Variants in AUTS2 observed in about 807,000 individuals in gnomAD.
AUTS2 encodes the protein activator of transcription and developmental regulator AUTS2.
Under a neutral mutation model 112.4 loss-of-function variants are expected in AUTS2, and 17 were observed. The ratio of observed to expected loss-of-function variants is 0.15; its 90% CI spans 0.10 to 0.23. AUTS2 has a LOEUF of 0.23. Among genes scored for constraint, AUTS2 ranks in the 10% least tolerant of loss-of-function variants. The pLI is 1.00. For missense variants in AUTS2, 1,510 were observed against 1,701.6 expected (o/e 0.89, Z 1.98); for synonymous variants, 751 against 702.7 (o/e 1.07, Z -1.09).
chr7:69,895,356 G>A (rs897145206), intron 1 of AUTS2, among the ~76,000 whole-genome samples: 5 of 151,964 alleles, frequency 3.3e-5, no homozygotes, highest in Non-Finnish European at 7.4e-5. Flanking sequence ...GTTTATTCAG[G>A]ATTTGTACCA....
chr7:70,453,235 A>G (rs192188741), intron 5 of AUTS2, among the ~76,000 whole-genome samples: 9 of 152,316 alleles, frequency 5.9e-5, no homozygotes, highest in Admixed American at 5.9e-4. Context: ...CAATGAAACA[A>G]TGATGGGAAT....
At chr7:69,864,535 T>G (rs1394012929) in intron 1 of AUTS2, among the ~76,000 whole-genome samples, 1 of 152,226 alleles carries the variant, frequency 6.6e-6, no homozygotes, top group Non-Finnish European at 1.5e-5. Flanking sequence ...CCATGATGCT[T>G]GCAGAACAGT....
chr7:70,631,870 A>C lies in AUTS2; in HGVS notation c.691-66699A>C, dbSNP rs78453214. Among the ~76,000 whole-genome samples, 1,256 of 152,002 alleles carry C rather than the reference A, an allele frequency of 8.3e-3. 22 individuals carry two copies. Among genetic ancestry groups the C allele is most frequent in the African/African-American group, 0.029 (1,193 of 41,480 alleles). ...TCTGCCGCTTTGGCTTAGTTCTCCC[A>C]TGTCCCTTGATTCAGTGGTGTGACC... On this transcript the variant is annotated intron_variant, in intron 5 of 18. Coordinates refer to ENST00000342771, the MANE Select transcript of AUTS2 (RefSeq NM_015570.4). This position sits in a 1 kb window ranked among gnomAD's most constrained non-coding sequence, Gnocchi z 4.5.
At chr7:69,600,053 G>GCTGTCTGTCTGTCTGTCTGTCTGT in intron 1 of AUTS2, 91 bp downstream of exon 1, 1 of 1,259,510 alleles carries the variant, frequency 7.9e-7, no homozygotes, top group Non-Finnish European at 1.1e-6. Flanking sequence ...CGCGCTCCGG[G>GCTGTCTGTCTGTCTGTCTGTCTGT]CTGTCTGTCT....
intron 7 of AUTS2, among the ~76,000 whole-genome samples, chr7:70,763,568 T>C (rs1009152966): frequency 6.6e-6 from 1 of 151,668 alleles, no homozygotes; most frequent in Non-Finnish European, 1.5e-5. Context: ...AGAAGTAAAA[T>C]ATTTATGGGC....
intron 5 of AUTS2, among the ~76,000 whole-genome samples, chr7:70,510,092 C>T (rs889449996): frequency 1.3e-5 from 2 of 152,168 alleles, no homozygotes; most frequent in Non-Finnish European, 2.9e-5. Flanking sequence ...GAAGACCCCA[C>T]ATCCCCATCC....
chr7:70,348,430 A>C (rs753464239), intron 4 of AUTS2, among the ~76,000 whole-genome samples: 1 of 152,154 alleles, frequency 6.6e-6, no homozygotes, highest in Non-Finnish European at 1.5e-5. Context: ...CCTTGAGATA[A>C]ATTATAAGGT....
intron 14 of AUTS2, 60 bp downstream of exon 14, chr7:70,777,234 C>A: frequency 6.8e-7 from 1 of 1,463,610 alleles, no homozygotes; most frequent in Non-Finnish European, 9.6e-7. Flanking sequence ...GTGTGACGTG[C>A]TCGGGAGAAC....
At chr7:70,702,936 A>C (rs1212869336) in intron 6 of AUTS2, among the ~76,000 whole-genome samples, 1 of 152,174 alleles carries the variant, frequency 6.6e-6, no homozygotes, top group African/African-American at 2.4e-5. Context: ...AGGTTAGTGA[A>C]GCCTTTGGAT....
intron 2 of AUTS2, among the ~76,000 whole-genome samples, chr7:69,939,289 T>TA (rs1796534144): frequency 6.6e-6 from 1 of 152,192 alleles, no homozygotes; most frequent in African/African-American, 2.4e-5. Flanking sequence ...AATCTTTGCC[T>TA]TATAGAAATA....
At chr7:70,231,531 C>G (rs1019319949) in intron 4 of AUTS2, among the ~76,000 whole-genome samples, 2 of 152,068 alleles carry the variant, frequency 1.3e-5, no homozygotes, top group Admixed American at 1.3e-4. Context: ...CAAGCTCCAC[C>G]TCACAGGTTC....
At chr7:69,654,950 A>G (rs886588902) in intron 1 of AUTS2, among the ~76,000 whole-genome samples, 1 of 152,126 alleles carries the variant, frequency 6.6e-6, no homozygotes, top group Non-Finnish European at 1.5e-5. Context: ...CTTTGTAAAG[A>G]TTAGTTAATT....
At chr7:69,738,526 T>C (rs1356977394) in intron 1 of AUTS2, among the ~76,000 whole-genome samples, 1 of 152,168 alleles carries the variant, frequency 6.6e-6, no homozygotes, top group African/African-American at 2.4e-5. Flanking sequence ...GATATTTTTG[T>C]GCTCTCAGGG....
intron 4 of AUTS2, among the ~76,000 whole-genome samples, chr7:70,155,533 A>G: frequency 6.6e-6 from 1 of 151,822 alleles, no homozygotes; most frequent in East Asian, 1.9e-4. Context: ...TGTGCCAGTA[A>G]AGCCTCTGCT....
intron 5 of AUTS2, among the ~76,000 whole-genome samples, chr7:70,452,237 C>A (rs747407187): frequency 2.6e-5 from 4 of 152,112 alleles, no homozygotes; most frequent in Non-Finnish European, 5.9e-5. Flanking sequence ...GTAATCCCAG[C>A]ACTTTGGGAG....
intron 1 of AUTS2, among the ~76,000 whole-genome samples, chr7:69,668,300 A>G (rs931354870): frequency 1.3e-5 from 2 of 152,220 alleles, no homozygotes; most frequent in African/African-American, 2.4e-5. Flanking sequence ...CATATCATGA[A>G]GAAAGTTATG....
chr7:70,464,107 G>A (rs945755950), intron 5 of AUTS2, among the ~76,000 whole-genome samples: 1 of 152,170 alleles, frequency 6.6e-6, no homozygotes, highest in Non-Finnish European at 1.5e-5. Flanking sequence ...CACACTCCCT[G>A]TGACCCTGAG....
intron 4 of AUTS2, among the ~76,000 whole-genome samples, chr7:70,247,418 T>C (rs1043513217): frequency 6.6e-6 from 1 of 152,146 alleles, no homozygotes; most frequent in Non-Finnish European, 1.5e-5. Context: ...TTTGGGAAGA[T>C]GAAAAAATTT....
chr7:69,900,881 A>G lies in AUTS2; in HGVS notation c.522+1383A>G, dbSNP rs557535761. Among the ~76,000 whole-genome samples, 21 of 152,302 alleles carry G rather than the reference A, an allele frequency of 1.4e-4. No individual in the cohort carries two copies. In the South Asian group the frequency reaches 4.1e-3, roughly 30 times the overall value. ...AATAGTAATTATTAACATTTACCTA[A>G]TGCATACTATGCTACATTCAGTGAG... On this transcript the variant is annotated intron_variant, in intron 2 of 18. Coordinates refer to ENST00000342771, the MANE Select transcript of AUTS2 (RefSeq NM_015570.4).
Sources: gnomAD v4.1 joint callset for allele counts (sites outside exome capture counted in the v4.1 genomes callset) on GRCh38, gnomAD v4.1.1 for gene constraint, Gnocchi (gnomAD v3.1) non-coding constraint, MANE v1.5 for transcripts, NCBI Gene and HGNC (gene_info 2026-07-23, HGNC 2026-07-21) for gene names.